Variants in GCSH observed in about 807,000 individuals in gnomAD.
GCSH encodes glycine cleavage system protein H, also known as glycine cleavage system H protein, mitochondrial.
A neutral mutation model predicts 21.3 loss-of-function variants in GCSH; 15 were observed. The observed-to-expected ratio is 0.70, with a 90% CI of 0.47 to 1.08. The LOEUF (loss-of-function observed/expected upper bound fraction) is 1.08. Among genes scored for constraint, GCSH ranks in the 50% least tolerant of loss-of-function variants. The probability of loss-of-function intolerance (pLI) is 0.00; values close to 1 mark genes in which losing one functional copy is unlikely to be tolerated. For synonymous variants in GCSH, 59 were observed against 84.5 expected (o/e 0.70, Z 1.66); for missense variants, 179 against 217.5 (o/e 0.82, Z 1.11).
At chr16:81,085,084 G>C (rs920422137) in intron 3 of GCSH, among the ~76,000 whole-genome samples, 32 of 135,780 alleles carry the variant, frequency 2.4e-4, no homozygotes, top group African/African-American at 8.7e-4. Flanking sequence ...GTGTGTTCTA[G>C]GCTCACTGCC....
At chr16:81,084,842 G>T (rs1281016556) in intron 3 of GCSH, among the ~76,000 whole-genome samples, 2 of 151,246 alleles carry the variant, frequency 1.3e-5, no homozygotes. Flanking sequence ...CTCCCGAGTA[G>T]CTGGGACTAC....
chr16:81,092,160 G>C (rs1200572977), intron 1 of GCSH, among the ~76,000 whole-genome samples: 4 of 152,034 alleles, frequency 2.6e-5, no homozygotes, highest in African/African-American at 9.7e-5. Flanking sequence ...TTCCGGTCTA[G>C]ATTCAGAAGT....
At chr16:81,089,646 C>CGT (rs1555529716) in intron 2 of GCSH, among the ~76,000 whole-genome samples, 1 of 152,112 alleles carries the variant, frequency 6.6e-6, no homozygotes, top group African/African-American at 2.4e-5. Context: ...TTAAGTGACA[C>CGT]GAGTGCATTC....
intron 2 of GCSH, among the ~76,000 whole-genome samples, chr16:81,090,400 T>C (rs1432316802): frequency 6.6e-6 from 1 of 152,010 alleles, no homozygotes. Flanking sequence ...TTTTTAACTT[T>C]TGGTAGAGAC....
chr16:81,095,819 C>CT, intron 1 of GCSH, among the ~76,000 whole-genome samples: 1 of 152,236 alleles, frequency 6.6e-6, no homozygotes, highest in Admixed American at 6.5e-5. Flanking sequence ...ACGTGCCTGG[C>CT]TTCTGCAGCA....
At chr16:81,094,555 T>C (rs1972461677) in intron 1 of GCSH, among the ~76,000 whole-genome samples, 1 of 152,002 alleles carries the variant, frequency 6.6e-6, no homozygotes, top group African/African-American at 2.4e-5. Flanking sequence ...GAAACTAAAT[T>C]CTTATCTGAG....
At chr16:81,093,068 A>G (rs140387907) in intron 1 of GCSH, among the ~76,000 whole-genome samples, 4,618 of 150,414 alleles carry the variant, frequency 0.031, 193 homozygotes, top group African/African-American at 0.1. Flanking sequence ...GGAGGCGGAG[A>G]TTCCAGTGAG....
At chr16:81,087,528 G>A (rs1389702930) in intron 3 of GCSH, 73 bp downstream of exon 3, 3 of 1,073,500 alleles carry the variant, frequency 2.8e-6, no homozygotes, top group Non-Finnish European at 4.3e-6. Context: ...TTAATCCAGG[G>A]TACAAACAAA....
At chr16:81,084,722 T>C in intron 3 of GCSH, 128 bp from the exon 4 acceptor site, 1 of 745,814 alleles carries the variant, frequency 1.3e-6, no homozygotes, top group East Asian at 2.7e-5. Context: ...TTTTTTTTTT[T>C]TTTTTGAGAT....
intron 1 of GCSH, among the ~76,000 whole-genome samples, chr16:81,093,042 G>A (rs894590351): frequency 7.3e-5 from 11 of 150,252 alleles, no homozygotes; most frequent in African/African-American, 2.7e-4. Context: ...TGAGGCAGGA[G>A]AATCACTTGA....
chr16:81,093,783 G>C (rs1972446619), intron 1 of GCSH, among the ~76,000 whole-genome samples: 2 of 152,138 alleles, frequency 1.3e-5, no homozygotes, highest in African/African-American at 4.8e-5. Context: ...AGAGGTTGCA[G>C]TGATTCAAAG....
chr16:81,082,161 A>C lies in GCSH; in HGVS notation c.*705T>G, dbSNP rs910651200. On this transcript the variant is annotated 3_prime_UTR_variant, in exon 5 of 5. Transcript: ENST00000315467. ...TGTTAAAGGTGACAGATCTTGGCTT[A>C]AGAAAAACCAGATTTGTGACTAAAG... is the stretch of plus-strand genomic sequence containing the variant. 2.2e-6 allele frequency: 1 copy of C among 454,000 alleles called. No homozygotes were observed. The highest frequency in any genetic ancestry group is 4.4e-6 in the Non-Finnish European group (1 of 226,800). 28.1% of individuals were successfully genotyped at this position (454,000 alleles called of 1,614,324 possible).
chr16:81,088,621 G>A (rs1597167032), intron 2 of GCSH, among the ~76,000 whole-genome samples: 2 of 152,248 alleles, frequency 1.3e-5, no homozygotes, highest in African/African-American at 4.8e-5. Flanking sequence ...AGCTGGTCTT[G>A]AACTTTTGAC....
At chr16:81,084,668 G>T in intron 3 of GCSH, 74 bp from the exon 4 acceptor site, 2 of 1,061,610 alleles carry the variant, frequency 1.9e-6, no homozygotes, top group Non-Finnish European at 2.8e-6. Flanking sequence ...ATACGAAAAA[G>T]TAGATTCCTG....
chr16:81,082,183 A>G lies in GCSH; in HGVS notation c.*683T>C. ...CTTAAGAAAAACCAGATTTGTGACTAAAGAAAACATTTTCTTGGAGCTTTG... is the reference window on the plus strand; with the variant it reads ...CTTAAGAAAAACCAGATTTGTGACTGAAGAAAACATTTTCTTGGAGCTTTG... On this transcript the variant is annotated 3_prime_UTR_variant, in exon 5 of 5. Transcript: ENST00000315467. 1 of 454,134 alleles carries G rather than the reference A, an allele frequency of 2.2e-6. No homozygotes were observed. Among genetic ancestry groups the G allele is most frequent in the Non-Finnish European group, 4.4e-6 (1 of 226,796 alleles). 28.1% of individuals were successfully genotyped at this position (454,134 alleles called of 1,614,324 possible). A position where few individuals can be genotyped will look rare whatever the true frequency, so the allele number is the denominator to read the frequency against.
chr16:81,095,765 G>T (rs146841108), intron 1 of GCSH, among the ~76,000 whole-genome samples: 12 of 152,218 alleles, frequency 7.9e-5, no homozygotes, highest in African/African-American at 1.9e-4. Context: ...AACGATGCAC[G>T]CAGATGGGAG....
intron 1 of GCSH, 68 bp downstream of exon 1, chr16:81,096,063 C>T: frequency 8.3e-7 from 1 of 1,201,714 alleles, no homozygotes; most frequent in Non-Finnish European, 1.0e-6. Context: ...TCCTCCGTGT[C>T]CCGCTGGGCC....
intron 2 of GCSH, among the ~76,000 whole-genome samples, chr16:81,089,082 C>T (rs1003730214): frequency 6.6e-6 from 1 of 152,200 alleles, no homozygotes; most frequent in Admixed American, 6.5e-5. Flanking sequence ...TATCAACACA[C>T]AAGCATCTTA....
Position 81,082,819 on chromosome 16 carries a change from C to G in GCSH, c.*47G>C, listed in dbSNP as rs1972196581. On this transcript the variant is annotated 3_prime_UTR_variant, in exon 5 of 5. Coordinates refer to ENST00000315467, the MANE Select transcript of GCSH (RefSeq NM_004483.5). ...TATCCACCACTAATTTAAGACAACT[C>G]TGCTGGCTTGCGTTATTTCATACTA... is the stretch of plus-strand genomic sequence containing the variant. The G allele has an allele frequency of 1.2e-6, 1 of 865,582 alleles. No individual in the cohort carries two copies. The allele number at this position is 865,582 out of a possible 1,614,324, so 53.6% of individuals were successfully genotyped here.
Sources: gnomAD v4.1 joint callset for allele counts (sites outside exome capture counted in the v4.1 genomes callset) on GRCh38, gnomAD v4.1.1 for gene constraint, MANE v1.5 for transcripts, NCBI Gene and HGNC (gene_info 2026-07-23, HGNC 2026-07-21) for gene names.